Variants in DIAPH2 observed in about 807,000 individuals in gnomAD.
DIAPH2 encodes diaphanous related formin 2.
A neutral mutation model predicts 92.7 loss-of-function variants in DIAPH2; 35 were observed. That is an observed-to-expected ratio of 0.38 (90% CI 0.29 to 0.50). The LOEUF is 0.50. Among genes scored for constraint, DIAPH2 ranks in the 20% least tolerant of loss-of-function variants. The pLI is 0.94. For missense variants in DIAPH2, 701 were observed against 819.5 expected, an observed-to-expected ratio of 0.86 and a Z score of 1.77; for synonymous variants, 301 against 280.4, an observed-to-expected ratio of 1.07 and a Z score of -0.73.
chrX:96,969,616 G>T (rs1180475335), intron 17 of DIAPH2, among the ~76,000 whole-genome samples: 1 of 110,766 alleles, frequency 9.0e-6, no homozygotes, highest in Non-Finnish European at 1.9e-5. Context: ...AATTTTTTAT[G>T]TGTTCCAGGA....
chrX:97,573,681 G>A (rs2071384548), intron 26 of DIAPH2, among the ~76,000 whole-genome samples: 1 of 105,261 alleles, frequency 9.5e-6, no homozygotes, highest in South Asian at 4.4e-4. Context: ...TTTTTTTGAG[G>A]TGGAGTTTCA....
chrX:96,978,280 T>C (rs1356905552), intron 17 of DIAPH2, among the ~76,000 whole-genome samples: 7 of 111,675 alleles, frequency 6.3e-5, no homozygotes, highest in Non-Finnish European at 9.4e-5. Context: ...AATGCATTCT[T>C]TTCAAACCGT....
Position 97,602,413 on chromosome X carries a change from G to T in DIAPH2, c.*3096G>T, listed in dbSNP as rs960866251. The T allele has an allele frequency of 3.6e-5, 4 of 112,455 alleles. No homozygotes were observed. Among genetic ancestry groups the T allele is most frequent in the African/African-American group, 1.3e-4 (4 of 30,941 alleles). The allele number at this position is 112,455 out of a possible 1,213,427, so 9.3% of individuals were successfully genotyped here. A position where few individuals can be genotyped will look rare whatever the true frequency, so the allele number is the denominator to read the frequency against. On this transcript the variant is annotated 3_prime_UTR_variant, in exon 27 of 27. Transcript: ENST00000324765. ...AATTCCTCTTCCTCTGAGAACCAGTGAAACAGAAAAGTTAATCTGCTTTCA... is the reference window on the plus strand; with the variant it reads ...AATTCCTCTTCCTCTGAGAACCAGTTAAACAGAAAAGTTAATCTGCTTTCA...
intron 22 of DIAPH2, among the ~76,000 whole-genome samples, chrX:97,219,694 A>G (rs2054173255): frequency 8.9e-6 from 1 of 111,915 alleles, no homozygotes; most frequent in Non-Finnish European, 1.9e-5. Context: ...AGGACTATCA[A>G]TAATAAAATA....
intron 22 of DIAPH2, among the ~76,000 whole-genome samples, chrX:97,240,893 C>T: frequency 9.0e-6 from 1 of 111,324 alleles, no homozygotes; most frequent in East Asian, 2.8e-4. Flanking sequence ...TTTTGCAAAT[C>T]AGGAAATGAA....
chrX:97,570,097 T>G (rs2071355420), intron 26 of DIAPH2, among the ~76,000 whole-genome samples: 4 of 30,570 alleles, frequency 1.3e-4, no homozygotes, highest in East Asian at 1.5e-3. Flanking sequence ...TATATATATA[T>G]ATATATATAT....
chrX:96,826,689 A>G (rs1462411863), intron 4 of DIAPH2, among the ~76,000 whole-genome samples: 1 of 111,918 alleles, frequency 8.9e-6, no homozygotes, highest in African/African-American at 3.2e-5. Flanking sequence ...TTGTAAAGTC[A>G]GAGAAGGCTA....
chrX:96,711,530 T>C (rs1195150199), intron 1 of DIAPH2, among the ~76,000 whole-genome samples: 1 of 111,722 alleles, frequency 9.0e-6, no homozygotes, highest in Non-Finnish European at 1.9e-5. Flanking sequence ...GGATTATTTG[T>C]TTTTTTCTTG....
chrX:97,344,926 T>C (rs2069143769), intron 23 of DIAPH2, among the ~76,000 whole-genome samples: 1 of 112,221 alleles, frequency 8.9e-6, no homozygotes, highest in African/African-American at 3.2e-5. Flanking sequence ...TGCAAATAGA[T>C]TACAAGTAAG....
At chrX:96,968,367 C>T (rs888662427) in intron 17 of DIAPH2, among the ~76,000 whole-genome samples, 6 of 109,948 alleles carry the variant, frequency 5.5e-5, no homozygotes, top group South Asian at 3.9e-4. Context: ...TACAGGTGCC[C>T]GCCACCATGC....
rs777888169 is a variant in DIAPH2 at position 97,127,977 on chromosome X, C to T, written c.2589+13012C>T. Among the ~76,000 whole-genome samples the T allele has an allele frequency of 3.6e-4, 40 of 111,175 alleles. 1 individual carries two copies. Among genetic ancestry groups the T allele is most frequent in the Admixed American group, 3.4e-3 (36 of 10,466 alleles). On this transcript the variant is annotated intron_variant, in intron 21 of 26. Transcript: ENST00000324765. ...GAGCCAAGATCGCGCCACTACACTCCGCCTCAGAGACAGAGTGAGACTGTT... is the reference window on the plus strand; with the variant it reads ...GAGCCAAGATCGCGCCACTACACTCTGCCTCAGAGACAGAGTGAGACTGTT...
chrX:97,021,653 TATA>T (rs1292481386), intron 17 of DIAPH2, among the ~76,000 whole-genome samples: 2 of 111,921 alleles, frequency 1.8e-5, no homozygotes, highest in Non-Finnish European at 3.8e-5. Context: ...TAATGAAAAG[TATA>T]ATAATTTTGA....
chrX:97,367,241 C>T (rs763611756), intron 24 of DIAPH2, among the ~76,000 whole-genome samples: 8 of 111,464 alleles, frequency 7.2e-5, no homozygotes, highest in South Asian at 3.8e-4. Context: ...ATCATTAGCA[C>T]AATAAGGAAA....
chrX:97,400,075 A>G (rs2069740909), intron 25 of DIAPH2, among the ~76,000 whole-genome samples: 1 of 112,613 alleles, frequency 8.9e-6, no homozygotes, highest in African/African-American at 3.2e-5. Flanking sequence ...TTGAATATTC[A>G]TAGGTGTTTT....
chrX:97,072,754 A>G (rs2066677777), intron 17 of DIAPH2, among the ~76,000 whole-genome samples, 187 bp from the exon 18 acceptor site: 1 of 111,577 alleles, frequency 9.0e-6, no homozygotes, highest in Non-Finnish European at 1.9e-5. Context: ...CTGATATTTA[A>G]TTTGTAGTGA....
chrX:97,483,054 G>A (rs2070662277), intron 26 of DIAPH2, among the ~76,000 whole-genome samples: 1 of 110,952 alleles, frequency 9.0e-6, no homozygotes, highest in Non-Finnish European at 1.9e-5. Flanking sequence ...GAATAATAGG[G>A]GAGTGTGGTG....
chrX:96,876,308 G>C (rs1339808633), intron 4 of DIAPH2, among the ~76,000 whole-genome samples: 1 of 111,850 alleles, frequency 8.9e-6, no homozygotes, highest in Non-Finnish European at 1.9e-5. Flanking sequence ...TGACACTGTT[G>C]GTGGGACTGT....
At chrX:97,034,631 C>A (rs932051264) in intron 17 of DIAPH2, among the ~76,000 whole-genome samples, 6 of 111,311 alleles carry the variant, frequency 5.4e-5, no homozygotes, top group Non-Finnish European at 9.4e-5. Context: ...CTTGAGACCC[C>A]TGTACCACTG....
intron 26 of DIAPH2, among the ~76,000 whole-genome samples, chrX:97,574,726 T>C (rs763110806): frequency 1.8e-5 from 2 of 112,396 alleles, no homozygotes; most frequent in African/African-American, 3.2e-5. Context: ...GAAAGATGAA[T>C]AGTCATGATA....
Sources: gnomAD v4.1 joint callset for allele counts (sites outside exome capture counted in the v4.1 genomes callset) on GRCh38, gnomAD v4.1.1 for gene constraint, MANE v1.5 for transcripts, NCBI Gene and HGNC (gene_info 2026-07-23, HGNC 2026-07-21) for gene names.